SRD5A1: variants seen among roughly 807,000 people sequenced by gnomAD.
SRD5A1 encodes the protein steroid 5 alpha-reductase 1.
In SRD5A1, 22 loss-of-function variants were observed where a neutral mutation model predicts 28.2. The observed-to-expected ratio is 0.78, with a 90% confidence interval of 0.56 to 1.12. SRD5A1 has a LOEUF of 1.12. Ranked by LOEUF, SRD5A1 falls within the 50% of genes most tolerant of loss-of-function variation. The probability of loss-of-function intolerance (pLI) is 0.00; values close to 1 mark genes in which losing one functional copy is unlikely to be tolerated. For synonymous variants in SRD5A1, 151 were observed against 135.0 expected, an observed-to-expected ratio of 1.12 and a Z score of -0.82; for missense variants, 300 against 346.7, an observed-to-expected ratio of 0.87 and a Z score of 1.07.
At chr5:6,658,511 C>T (rs1194671704) in intron 3 of SRD5A1, among the ~76,000 whole-genome samples, 3 of 152,166 alleles carry the variant, frequency 2.0e-5, no homozygotes, top group African/African-American at 7.2e-5. Flanking sequence ...AACCCAGCTT[C>T]CTGACGGCCT....
At chr5:6,657,747 C>T (rs979099094) in intron 3 of SRD5A1, among the ~76,000 whole-genome samples, 59 of 152,186 alleles carry the variant, frequency 3.9e-4, no homozygotes, top group African/African-American at 1.3e-3. Context: ...AGGCTGGTTA[C>T]GGAAAGGCCT....
At chr5:6,649,726 G>A (rs896825330) in intron 1 of SRD5A1, among the ~76,000 whole-genome samples, 4 of 152,210 alleles carry the variant, frequency 2.6e-5, no homozygotes, top group Non-Finnish European at 5.9e-5. Flanking sequence ...GTGAGGCGAT[G>A]CCCCACCCTG....
intron 3 of SRD5A1, among the ~76,000 whole-genome samples, chr5:6,660,489 A>T (rs1738968866): frequency 6.6e-6 from 1 of 152,246 alleles, no homozygotes; most frequent in African/African-American, 2.4e-5. Flanking sequence ...GATGAAATAC[A>T]GATCATGATT....
chr5:6,653,670 C>A (rs921942231), intron 2 of SRD5A1: 3 of 152,160 alleles, frequency 2.0e-5, no homozygotes, highest in African/African-American at 7.2e-5. Context: ...GAATTTCTTT[C>A]TTTTTTTCTT....
chr5:6,649,244 A>C (rs545811050), intron 1 of SRD5A1, among the ~76,000 whole-genome samples: 11 of 152,240 alleles, frequency 7.2e-5, no homozygotes, highest in African/African-American at 2.6e-4. Context: ...CAGAGCTCGA[A>C]CTGTGTGCTG....
chr5:6,638,240 G>A (rs1375889177), intron 1 of SRD5A1, among the ~76,000 whole-genome samples: 1 of 152,224 alleles, frequency 6.6e-6, no homozygotes, highest in Non-Finnish European at 1.5e-5. Flanking sequence ...TTGGGAGGCT[G>A]AGGCAGGAGA....
rs1738677385 is a variant in SRD5A1, at chr5:6,651,780, G to A, written c.294-62G>A. The A allele has an allele frequency of 1.4e-5, 21 of 1,459,856 alleles. No individual in the cohort carries two copies. In the South Asian group the frequency reaches 2.6e-4, roughly 18 times the overall value. 90.4% of individuals were successfully genotyped at this position (1,459,856 alleles called of 1,614,324 possible). On this transcript the variant is annotated intron_variant, in intron 1 of 4. Coordinates refer to ENST00000274192, the MANE Select transcript of SRD5A1 (RefSeq NM_001047.4). Reference sequence around the variant, plus strand: ...TTTAAAACCCAAATCATTTAAGATAGGATTACAGAAATGATTATCTTTAAT... The same window carrying A: ...TTTAAAACCCAAATCATTTAAGATAAGATTACAGAAATGATTATCTTTAAT...
At position 6,640,729 on chromosome 5, in the gene SRD5A1, C is replaced by T. The variant is rs535091094; in HGVS notation, c.293+6860C>T. Among the ~76,000 whole-genome samples, 6 of 152,254 alleles carry T rather than the reference C, an allele frequency of 3.9e-5. No individual in the cohort carries two copies. The East Asian group carries it at 9.7e-4, about 24-fold the overall frequency. On this transcript the variant is annotated intron_variant, in intron 1 of 4. Coordinates refer to ENST00000274192, the MANE Select transcript of SRD5A1 (RefSeq NM_001047.4). Reference sequence around the variant, plus strand: ...TATAACATGACAGAGAACAAAGTGTCAGATTTAATCTTACATTTACTCTGA... The same window carrying T: ...TATAACATGACAGAGAACAAAGTGTTAGATTTAATCTTACATTTACTCTGA...
chr5:6,644,099 C>T (rs921828752), intron 1 of SRD5A1, among the ~76,000 whole-genome samples: 1 of 152,200 alleles, frequency 6.6e-6, no homozygotes, highest in African/African-American at 2.4e-5. Flanking sequence ...AGAATGTTTC[C>T]TGGGAGTTGC....
intron 1 of SRD5A1, among the ~76,000 whole-genome samples, chr5:6,648,841 G>T (rs1167629673): frequency 1.3e-5 from 2 of 152,176 alleles, no homozygotes; most frequent in African/African-American, 4.8e-5. Context: ...AGGAGAAGAG[G>T]CATTCTGGCT....
At chr5:6,641,121 G>A (rs993571440) in intron 1 of SRD5A1, among the ~76,000 whole-genome samples, 16 of 152,172 alleles carry the variant, frequency 1.1e-4, no homozygotes, top group African/African-American at 3.9e-4. Context: ...TGTCCAGGCA[G>A]GTGCACCCAC....
rs8192145 is a variant in SRD5A1, at chr5:6,637,544, G to A, written c.293+3675G>A. ...CCTCATGCTCTTTCTCTCCACCCAC[G>A]CAGCTTTGTTCAGTATTCCCTGAAC... On this transcript the variant is annotated intron_variant, in intron 1 of 4. Coordinates refer to ENST00000274192, the MANE Select transcript of SRD5A1 (RefSeq NM_001047.4). Among the ~76,000 whole-genome samples, 1,094 of 152,240 alleles carry A rather than the reference G, an allele frequency of 7.2e-3. 12 individuals carry two copies. The highest frequency in any genetic ancestry group is 0.025 in the African/African-American group (1,034 of 41,552).
At chr5:6,641,988 A>C (rs984829810) in intron 1 of SRD5A1, among the ~76,000 whole-genome samples, 1 of 152,248 alleles carries the variant, frequency 6.6e-6, no homozygotes, top group Non-Finnish European at 1.5e-5. Context: ...GGTAGTGCAT[A>C]TCTTAGGCTT....
In SRD5A1 at chr5:6,633,495, GC is replaced by G; in HGVS notation, c.-78del. ...TCCGGTAGCCGCCCCTCCGGTAGCC[GC>G]CCCTCCTGCCCCCGCGCCGCCGCCC... On this transcript the variant is annotated 5_prime_UTR_variant, in exon 1 of 5. Coordinates refer to ENST00000274192, the MANE Select transcript of SRD5A1 (RefSeq NM_001047.4). 7.4e-7 allele frequency: 1 copy of G among 1,360,196 alleles called. No homozygotes were observed. The highest frequency in any genetic ancestry group is 9.5e-7 in the Non-Finnish European group (1 of 1,056,148). 84.3% of individuals were successfully genotyped at this position (1,360,196 alleles called of 1,614,324 possible). A position where few individuals can be genotyped will look rare whatever the true frequency, so the allele number is the denominator to read the frequency against.
At chr5:6,635,381 A>G (rs1738153600) in intron 1 of SRD5A1, among the ~76,000 whole-genome samples, 1 of 152,198 alleles carries the variant, frequency 6.6e-6, no homozygotes, top group African/African-American at 2.4e-5. Context: ...CTGTTTGTAT[A>G]TACTTTTCCA....
Position 6,633,518 on chromosome 5 carries a change from G to T in SRD5A1, c.-59G>T. On this transcript the variant is annotated 5_prime_UTR_variant, in exon 1 of 5. Transcript: ENST00000274192. ...CCGCCCCTCCTGCCCCCGCGCCGCC[G>T]CCCTATATGTTGCCCGCCGCGGCCT... The T allele has an allele frequency of 7.1e-7, 1 of 1,401,342 alleles. No individual in the cohort carries two copies. Among genetic ancestry groups the T allele is most frequent in the South Asian group, 1.6e-5 (1 of 64,014 alleles). The allele number at this position is 1,401,342 out of a possible 1,614,324, so 86.8% of individuals were successfully genotyped here.
At chr5:6,638,469 G>A (rs1364305803) in intron 1 of SRD5A1, among the ~76,000 whole-genome samples, 1 of 152,222 alleles carries the variant, frequency 6.6e-6, no homozygotes, top group African/African-American at 2.4e-5. Context: ...TGGTCAGAGT[G>A]GAAAGTTCCG....
At chr5:6,663,631 C>T (rs1015149116) in intron 4 of SRD5A1, among the ~76,000 whole-genome samples, 28 of 152,146 alleles carry the variant, frequency 1.8e-4, no homozygotes, top group Admixed American at 1.4e-3. Context: ...AGGCCAAGGC[C>T]GGTGGATCAC....
At chr5:6,640,877 G>A (rs994094842) in intron 1 of SRD5A1, among the ~76,000 whole-genome samples, 2 of 152,156 alleles carry the variant, frequency 1.3e-5, no homozygotes, top group African/African-American at 4.8e-5. Flanking sequence ...TAATCCAAGT[G>A]CTTCATAGTT....
Sources: gnomAD v4.1 joint callset for allele counts (sites outside exome capture counted in the v4.1 genomes callset) on GRCh38, gnomAD v4.1.1 for gene constraint, MANE v1.5 for transcripts, NCBI Gene and HGNC (gene_info 2026-07-23, HGNC 2026-07-21) for gene names.